The following SLC30A7 variants were observed in gnomAD, a reference collection of about 807,000 sequenced individuals.
SLC30A7 encodes zinc transporter 7.
SLC30A7 carries 35 observed loss-of-function variants against 46.0 expected under a neutral mutation model. The observed-to-expected ratio is 0.76, with a 90% CI of 0.58 to 1.01. SLC30A7 has a LOEUF of 1.01. SLC30A7 is among the 50% of genes least tolerant of loss of function. SLC30A7 has a pLI of 0.00. For missense variants in SLC30A7, 464 were observed against 451.1 expected, an observed-to-expected ratio of 1.03 and a Z score of -0.26; for synonymous variants, 147 against 157.8, an observed-to-expected ratio of 0.93 and a Z score of 0.51.
rs533981706 is a variant in SLC30A7, at chr1:100,903,953, TTAA to T, written c.183-2894_183-2892del. On this transcript the variant is annotated intron_variant, in intron 2 of 10. Coordinates refer to ENST00000357650, the MANE Select transcript of SLC30A7 (RefSeq NM_133496.5). ...CAGGTATTATAAGCATTAATAATAGTTAATAATTAATAATGTGATTTATTAATA... is the reference window on the plus strand; with the variant it reads ...CAGGTATTATAAGCATTAATAATAGTTAATTAATAATGTGATTTATTAATA... 1.2e-4 allele frequency among the ~76,000 whole-genome samples: 19 copies of T among 152,306 alleles called. No homozygotes were observed. In the East Asian group the frequency reaches 3.7e-3, roughly 29 times the overall value.
the SLC30A7 span, among the ~76,000 whole-genome samples, chr1:100,994,571 G>C: frequency 2.0e-5 from 3 of 151,206 alleles, no homozygotes; most frequent in East Asian, 5.8e-4. Flanking sequence ...CTGTTACCCA[G>C]GCTGGAGTGC....
chr1:100,979,854 G>C lies in SLC30A7; in HGVS notation c.*4997G>C, dbSNP rs1351752000. ...CAGGTGCTGACATCTGCTCTGCTTTGTGTATGTAATTCAGCAGTGCTTCAA... is the reference window on the plus strand; with the variant it reads ...CAGGTGCTGACATCTGCTCTGCTTTCTGTATGTAATTCAGCAGTGCTTCAA... On this transcript the variant is annotated 3_prime_UTR_variant, in exon 11 of 11. Transcript: ENST00000357650. 2 of 152,120 alleles carry C rather than the reference G, an allele frequency of 1.3e-5. No homozygotes were observed. The highest frequency in any genetic ancestry group is 2.9e-5 in the Non-Finnish European group (2 of 67,994). The allele number at this position is 152,120 out of a possible 1,614,324, so 9.4% of individuals were successfully genotyped here.
rs531551545 is a variant in SLC30A7 at position 100,981,084 on chromosome 1, T to C, written c.*6227T>C. 1 of 152,270 alleles carries C rather than the reference T, an allele frequency of 6.6e-6. No homozygotes were observed. The highest frequency in any genetic ancestry group is 2.4e-5 in the African/African-American group (1 of 41,580). 9.4% of individuals were successfully genotyped at this position (152,270 alleles called of 1,614,324 possible). ...TTCACTGATTTTTCATCTGTTTTCA[T>C]TGTTATTTCCACTATAGAACTTCTA... On this transcript the variant is annotated 3_prime_UTR_variant, in exon 11 of 11. Coordinates refer to ENST00000357650, the MANE Select transcript of SLC30A7 (RefSeq NM_133496.5).
intron 6 of SLC30A7, among the ~76,000 whole-genome samples, chr1:100,915,227 T>C (rs948233098): frequency 2.0e-5 from 3 of 147,664 alleles, no homozygotes; most frequent in Non-Finnish European, 3.0e-5. Context: ...CTTTCTTTCT[T>C]TCTTTCTTTC....
At chr1:100,949,489 G>T (rs984887071) in intron 8 of SLC30A7, among the ~76,000 whole-genome samples, 10 of 152,202 alleles carry the variant, frequency 6.6e-5, no homozygotes, top group Non-Finnish European at 1.5e-4. Flanking sequence ...TGAGGAGGCA[G>T]TCTGTCCGTT....
chr1:100,896,299 C>A lies in SLC30A7; in HGVS notation c.37C>A (p.Pro13Thr), dbSNP rs1234548917. ...PLSIKDDEYK[P>T]PKFNLFGKIS... The stretch of plus-strand genomic sequence containing the variant: ...GTCCATCAAAGACGATGAATACAAA[C>A]CACCCAAGTTCAATTTGTTCGGCAA... Residue 13 changes from proline (P) to threonine (T), a missense_variant, in exon 1 of 11, where the codon CCA becomes ACA. By Grantham distance (38) the Pro-to-Thr change is conservative (BLOSUM62 -1). Coordinates refer to ENST00000357650, the MANE Select transcript of SLC30A7 (RefSeq NM_133496.5). 1 of 1,614,232 alleles carries A rather than the reference C, an allele frequency of 6.2e-7. No individual in the cohort carries two copies. The highest frequency in any genetic ancestry group is 8.5e-7 in the Non-Finnish European group (1 of 1,180,042).
the SLC30A7 span, chr1:100,990,209 TA>T: frequency 1.7e-6 from 1 of 578,954 alleles, no homozygotes; most frequent in Non-Finnish European, 3.1e-6. Context: ...CAGGCACTTA[TA>T]AAACCATCAG....
intron 2 of SLC30A7, among the ~76,000 whole-genome samples, chr1:100,905,915 G>C (rs1651629078): frequency 6.6e-6 from 1 of 152,152 alleles, no homozygotes; most frequent in Non-Finnish European, 1.5e-5. Context: ...TCTTAACAAT[G>C]AGTCTCTCTT....
intron 8 of SLC30A7, among the ~76,000 whole-genome samples, chr1:100,947,157 G>A (rs2101065182): frequency 6.6e-6 from 1 of 152,248 alleles, no homozygotes; most frequent in East Asian, 1.9e-4. Flanking sequence ...TTAGGGTATT[G>A]ATTTTAGATC....
chr1:100,982,478 A>G (rs895972944), downstream of SLC30A7, among the ~76,000 whole-genome samples: 1 of 152,212 alleles, frequency 6.6e-6, no homozygotes, highest in African/African-American at 2.4e-5. Context: ...AATCTTTCCC[A>G]TTCAATTCTC....
downstream of SLC30A7, among the ~76,000 whole-genome samples, chr1:100,985,803 T>C (rs1461702246): frequency 1.3e-5 from 2 of 152,188 alleles, no homozygotes; most frequent in Admixed American, 1.3e-4. Context: ...AGAAGCATAA[T>C]CTATGTAAGA....
At chr1:100,919,293 A>T (rs1410576019) in intron 7 of SLC30A7, among the ~76,000 whole-genome samples, 1 of 151,900 alleles carries the variant, frequency 6.6e-6, no homozygotes, top group Non-Finnish European at 1.5e-5. Context: ...TTCCATTTAG[A>T]CTTTATTGTC....
In SLC30A7 at chr1:100,953,229, C is replaced by G. The variant is rs559815460; in HGVS notation, c.843-8599C>G. On this transcript the variant is annotated intron_variant, in intron 8 of 10. Transcript: ENST00000357650. Reference sequence around the variant, plus strand: ...GTGGAACTGTGAGTCAATTAAACCTCTTCTTTTCATAAATTACGTAGTCCC... The same window carrying G: ...GTGGAACTGTGAGTCAATTAAACCTGTTCTTTTCATAAATTACGTAGTCCC... Among the ~76,000 whole-genome samples the G allele has an allele frequency of 2.5e-4, 38 of 152,248 alleles. 2 individuals are homozygous for G. The South Asian group carries it at 6.6e-3, about 27-fold the overall frequency.
intron 8 of SLC30A7, among the ~76,000 whole-genome samples, chr1:100,928,786 A>G (rs1653480820): frequency 1.3e-5 from 2 of 152,186 alleles, no homozygotes; most frequent in African/African-American, 4.8e-5. Context: ...CACTGTTAGC[A>G]GTATTTCTTT....
At chr1:100,912,386 A>C in intron 5 of SLC30A7, 148 bp downstream of exon 5, 1 of 880,542 alleles carries the variant, frequency 1.1e-6, no homozygotes, top group Non-Finnish European at 1.7e-6. Context: ...TCACTTCTTT[A>C]TGCCCCTCCA....
intron 2 of SLC30A7, among the ~76,000 whole-genome samples, chr1:100,896,882 G>A (rs1651003021): frequency 6.6e-6 from 1 of 152,098 alleles, no homozygotes; most frequent in Non-Finnish European, 1.5e-5. Flanking sequence ...AACCTCTCTT[G>A]TCACGCTCCC....
chr1:100,904,574 A>G (rs1287049682), intron 2 of SLC30A7, among the ~76,000 whole-genome samples: 1 of 148,480 alleles, frequency 6.7e-6, no homozygotes, highest in East Asian at 2.0e-4. Context: ...AATTTTTTTT[A>G]TCAAATATTG....
At chr1:100,956,595 CTG>C (rs1570580266) in intron 8 of SLC30A7, among the ~76,000 whole-genome samples, 1 of 152,182 alleles carries the variant, frequency 6.6e-6, no homozygotes, top group Non-Finnish European at 1.5e-5. Context: ...CCATCTGTTA[CTG>C]TGTTTAGCTC....
At chr1:100,905,952 G>A (rs1651631617) in intron 2 of SLC30A7, among the ~76,000 whole-genome samples, 1 of 152,076 alleles carries the variant, frequency 6.6e-6, no homozygotes, top group African/African-American at 2.4e-5. Context: ...TTGTCATTGA[G>A]TGCTGGACAT....
Sources: gnomAD v4.1 joint callset for allele counts (sites outside exome capture counted in the v4.1 genomes callset) on GRCh38, gnomAD v4.1.1 for gene constraint, MANE v1.5 for transcripts, NCBI Gene and HGNC (gene_info 2026-07-23, HGNC 2026-07-21) for gene names.